Variants in ARHGAP22 observed in about 807,000 individuals in gnomAD.
The protein encoded by ARHGAP22 is Rho GTPase activating protein 22, also known as rho GTPase-activating protein 22.
A neutral mutation model predicts 59.1 loss-of-function variants in ARHGAP22; 48 were observed. The ratio of observed to expected loss-of-function variants is 0.81; its 90% CI spans 0.64 to 1.03. The LOEUF (loss-of-function observed/expected upper bound fraction) is 1.03, where lower values mean the gene tolerates loss of function less well. ARHGAP22 is among the 50% of genes least tolerant of loss of function. ARHGAP22 has a pLI of 0.00. For missense variants in ARHGAP22, 1,015 were observed against 958.7 expected (o/e 1.06, Z -0.78); for synonymous variants, 445 against 416.4 (o/e 1.07, Z -0.84).
At chr10:48,631,530 C>T (rs1441327650) in intron 1 of ARHGAP22, among the ~76,000 whole-genome samples, 5 of 152,158 alleles carry the variant, frequency 3.3e-5, no homozygotes, top group African/African-American at 1.2e-4. Flanking sequence ...ATCAATTATA[C>T]TTCTTAAAAA....
intron 1 of ARHGAP22, among the ~76,000 whole-genome samples, chr10:48,612,240 C>T (rs2060924567): frequency 1.3e-5 from 2 of 152,232 alleles, no homozygotes; most frequent in South Asian, 2.1e-4. Flanking sequence ...AAGATTATGC[C>T]TCCTCTTCAC....
intron 4 of ARHGAP22, among the ~76,000 whole-genome samples, chr10:48,468,687 T>C (rs992595330): frequency 6.6e-6 from 1 of 152,242 alleles, no homozygotes; most frequent in African/African-American, 2.4e-5. Flanking sequence ...GTATTCATGT[T>C]CATTTTTTAA....
chr10:48,490,902 ACT>A (rs958125031), intron 3 of ARHGAP22, among the ~76,000 whole-genome samples: 5 of 151,888 alleles, frequency 3.3e-5, no homozygotes, highest in African/African-American at 1.2e-4. Context: ...TCCTTGCTCC[ACT>A]CTCTCTCACC....
chr10:48,540,222 C>G (rs897882702), intron 3 of ARHGAP22, among the ~76,000 whole-genome samples: 1 of 152,204 alleles, frequency 6.6e-6, no homozygotes, highest in Non-Finnish European at 1.5e-5. Context: ...AGACTCTAAC[C>G]CCATAGAGAT....
chr10:48,555,426 C>T, intron 3 of ARHGAP22, 37 bp downstream of exon 3: 2 of 1,598,840 alleles, frequency 1.3e-6, no homozygotes, highest in Non-Finnish European at 8.6e-7. Context: ...GCAACACCCC[C>T]ACCAGGGCTG....
At chr10:48,623,751 C>T (rs2061358058) in intron 1 of ARHGAP22, among the ~76,000 whole-genome samples, 1 of 152,178 alleles carries the variant, frequency 6.6e-6, no homozygotes, top group East Asian at 1.9e-4. Context: ...CTGGGGTTGG[C>T]ATGGAAGCTG....
intron 1 of ARHGAP22, among the ~76,000 whole-genome samples, chr10:48,613,936 A>G (rs1394069443): frequency 6.6e-6 from 1 of 152,228 alleles, no homozygotes; most frequent in Non-Finnish European, 1.5e-5. Context: ...TTATAAAAGC[A>G]GGGTTGATGT....
rs1002086713 is a variant in ARHGAP22, at chr10:48,519,405, C to T, written c.322+36058G>A. Among the ~76,000 whole-genome samples the T allele has an allele frequency of 5.9e-5, 9 of 152,354 alleles. No individual in the cohort carries two copies. The East Asian group carries it at 1.5e-3, about 26-fold the overall frequency. ...AAGGGGCACAGGGTCTGCAGGAACC[C>T]ATGCCCAGAGCTCATCTATTACAAT... is the stretch of plus-strand genomic sequence containing the variant. On this transcript the variant is annotated intron_variant, in intron 3 of 9. Coordinates refer to ENST00000249601, the MANE Select transcript of ARHGAP22 (RefSeq NM_021226.4).
At chr10:48,648,466 A>G (rs375429535) in intron 1 of ARHGAP22, among the ~76,000 whole-genome samples, 1 of 152,142 alleles carries the variant, frequency 6.6e-6, no homozygotes, top group East Asian at 1.9e-4. Flanking sequence ...GACCATTCAC[A>G]AGCTCACTGT....
intron 3 of ARHGAP22, among the ~76,000 whole-genome samples, chr10:48,540,379 G>A (rs2055819148): frequency 6.6e-6 from 1 of 152,154 alleles, no homozygotes; most frequent in African/African-American, 2.4e-5. Flanking sequence ...TTACAGGCAT[G>A]CGCCACTGTG....
intron 2 of ARHGAP22, among the ~76,000 whole-genome samples, chr10:48,577,801 G>GGTTTTTTTTTT (rs1354062214): frequency 1.7e-5 from 1 of 59,140 alleles, no homozygotes; most frequent in Admixed American, 2.9e-4. Context: ...CTCTTTTTTG[G>GGTTTTTTTTTT]TTTTTTTTTT....
intron 3 of ARHGAP22, among the ~76,000 whole-genome samples, chr10:48,523,626 G>C (rs1490030343): frequency 6.6e-6 from 1 of 152,224 alleles, no homozygotes; most frequent in Non-Finnish European, 1.5e-5. Flanking sequence ...CAGTTAAGCC[G>C]CAGGGGCGGC....
intron 3 of ARHGAP22, among the ~76,000 whole-genome samples, chr10:48,496,983 G>GC (rs1177001975): frequency 6.6e-6 from 1 of 152,056 alleles, no homozygotes; most frequent in African/African-American, 2.4e-5. Context: ...TGTGCAGGGG[G>GC]CCCAGGGCCC....
chr10:48,441,595 G>C (rs541550700), downstream of ARHGAP22, among the ~76,000 whole-genome samples: 203 of 152,142 alleles, frequency 1.3e-3, no homozygotes, highest in African/African-American at 4.8e-3. Flanking sequence ...GGGACTACAG[G>C]TGCCCGCCAC....
intron 2 of ARHGAP22, chr10:48,574,647 C>G (rs1346315654): frequency 6.6e-6 from 1 of 152,160 alleles, no homozygotes; most frequent in African/African-American, 2.4e-5. Context: ...TTCATCGTAC[C>G]CCCAGGTGGT....
At chr10:48,565,338 C>T (rs1354568448) in intron 2 of ARHGAP22, among the ~76,000 whole-genome samples, 1 of 152,140 alleles carries the variant, frequency 6.6e-6, no homozygotes, top group Non-Finnish European at 1.5e-5. Flanking sequence ...TGGCAGCATC[C>T]TAAGAAAGGG....
chr10:48,458,493 A>T (rs539065522), intron 5 of ARHGAP22, among the ~76,000 whole-genome samples: 2 of 152,204 alleles, frequency 1.3e-5, no homozygotes, highest in Non-Finnish European at 2.9e-5. Context: ...TGAGGCGCAG[A>T]CGGCCTGTGC....
chr10:48,624,996 A>G (rs538443251), intron 1 of ARHGAP22: 2 of 152,326 alleles, frequency 1.3e-5, no homozygotes, highest in Admixed American at 1.3e-4. Flanking sequence ...AAAGCTTTTT[A>G]GAAAGAGTCA....
At chr10:48,538,299 A>T (rs930421490) in intron 3 of ARHGAP22, among the ~76,000 whole-genome samples, 12 of 152,132 alleles carry the variant, frequency 7.9e-5, no homozygotes, top group African/African-American at 2.9e-4. Flanking sequence ...TCTGCTTCTA[A>T]GGACACCAAC....
Sources: gnomAD v4.1 joint callset for allele counts (sites outside exome capture counted in the v4.1 genomes callset) on GRCh38, gnomAD v4.1.1 for gene constraint, MANE v1.5 for transcripts, NCBI Gene and HGNC (gene_info 2026-07-23, HGNC 2026-07-21) for gene names.